MATN2: variants seen among roughly 807,000 people sequenced by gnomAD.
MATN2 encodes matrilin-2.
A neutral mutation model predicts 103.2 loss-of-function variants in MATN2; 69 were observed. The observed-to-expected ratio is 0.67, with a 90% CI of 0.55 to 0.82. The LOEUF (loss-of-function observed/expected upper bound fraction) is 0.82, where lower values mean the gene tolerates loss of function less well. MATN2 is among the 40% of genes least tolerant of loss of function. The pLI, the probability that MATN2 is intolerant of heterozygous loss-of-function variation, is 0.00. For synonymous variants in MATN2, 429 were observed against 450.2 expected (o/e 0.95, Z 0.60); for missense variants, 1,023 against 1,211.5 (o/e 0.84, Z 2.31).
rs67575420 is a variant in MATN2, at chr8:97,982,354, GTT to G, written c.1081+3349_1081+3350del. On this transcript the variant is annotated intron_variant, in intron 6 of 18. Coordinates refer to ENST00000254898, the MANE Select transcript of MATN2 (RefSeq NM_002380.5). The surrounding 1 kb of genome is among the most constrained non-coding windows in gnomAD (Gnocchi z 4.3). ...AGCTCAGAACCGAAGCAGCCACCCT[GTT>G]TTAGTGAGTACCAAGGCCTCCCACC... 0.18 allele frequency among the ~76,000 whole-genome samples: 27,243 copies of G among 152,086 alleles called. 4,829 individuals are homozygous for G. The highest frequency in any genetic ancestry group is 0.46 in the African/African-American group (19,094 of 41,394).
At chr8:98,004,868 T>A (rs779705161) in intron 8 of MATN2, among the ~76,000 whole-genome samples, 5 of 152,192 alleles carry the variant, frequency 3.3e-5, no homozygotes, top group African/African-American at 7.2e-5. Flanking sequence ...CATGGTTTTT[T>A]ATGAGGCACC....
chr8:97,906,997 C>CTTTTTT (rs61459656), intron 2 of MATN2, among the ~76,000 whole-genome samples: 2 of 116,144 alleles, frequency 1.7e-5, no homozygotes, highest in African/African-American at 7.0e-5. Flanking sequence ...CCATAGCTGA[C>CTTTTTT]TTTTTTTTTT....
At chr8:98,027,303 C>A (rs1813841688) in intron 13 of MATN2, 113 bp from the exon 14 acceptor site, 3 of 886,738 alleles carry the variant, frequency 3.4e-6, no homozygotes, top group Non-Finnish European at 5.2e-6. Flanking sequence ...ATCTAAAGAA[C>A]AAAACTGGTT....
At chr8:97,910,551 A>G (rs1809379261) in intron 2 of MATN2, among the ~76,000 whole-genome samples, 1 of 152,236 alleles carries the variant, frequency 6.6e-6, no homozygotes, top group Non-Finnish European at 1.5e-5. Flanking sequence ...TTTCTTGAAC[A>G]GTACCAGGTT....
Position 97,982,729 on chromosome 8 carries a change from C to T in MATN2, c.1081+3721C>T, listed in dbSNP as rs1812068489. On this transcript the variant is annotated intron_variant, in intron 6 of 18. Transcript: ENST00000254898. This position sits in a 1 kb window ranked among gnomAD's most constrained non-coding sequence, Gnocchi z 4.3. ...TATCAATTTCTTACCCTAGAGCAGCCCATCCAAATCTAGACGGGAGAAAGG... is the reference window on the plus strand; with the variant it reads ...TATCAATTTCTTACCCTAGAGCAGCTCATCCAAATCTAGACGGGAGAAAGG... Among the ~76,000 whole-genome samples, 1 of 152,120 alleles carries T rather than the reference C, an allele frequency of 6.6e-6. No homozygotes were observed. The highest frequency in any genetic ancestry group is 2.1e-4 in the South Asian group (1 of 4,824).
At chr8:97,970,803 C>A (rs1197196276) in intron 5 of MATN2, among the ~76,000 whole-genome samples, 2 of 151,992 alleles carry the variant, frequency 1.3e-5, no homozygotes, top group East Asian at 3.9e-4. Context: ...AAAAAAAAAT[C>A]AGCTGGGTGT....
chr8:98,007,314 G>C lies in MATN2; in HGVS notation c.1450+87G>C. The stretch of plus-strand genomic sequence containing the variant: ...CTGCAGAGGGCACAGGTTGTACTTG[G>C]GCACCCCTCCCCTGCCCCTTGCTCT... On this transcript the variant is annotated intron_variant, in intron 9 of 18. Coordinates refer to ENST00000254898, the MANE Select transcript of MATN2 (RefSeq NM_002380.5). This position sits in a 1 kb window ranked among gnomAD's most constrained non-coding sequence, Gnocchi z 4.2. 1 of 1,587,000 alleles carries C rather than the reference G, an allele frequency of 6.3e-7. No individual in the cohort carries two copies. Among genetic ancestry groups the C allele is most frequent in the Non-Finnish European group, 8.6e-7 (1 of 1,160,714 alleles).
intron 6 of MATN2, among the ~76,000 whole-genome samples, chr8:97,988,291 G>T (rs1812274887): frequency 6.8e-6 from 1 of 147,932 alleles, no homozygotes; most frequent in Admixed American, 6.8e-5. Context: ...AGATGAAATG[G>T]ACAAATTCCT....
intron 1 of MATN2, among the ~76,000 whole-genome samples, chr8:97,876,896 A>T (rs900665070): frequency 6.6e-6 from 1 of 152,014 alleles, no homozygotes; most frequent in African/African-American, 2.4e-5. Context: ...TGTAATTAAT[A>T]TGCCGTAATT....
In MATN2 at chr8:98,027,690, A is replaced by G; in HGVS notation, c.2217A>G (p.Lys739=). 1.2e-6 allele frequency: 2 copies of G among 1,613,984 alleles called. No individual in the cohort carries two copies. Among genetic ancestry groups the G allele is most frequent in the Non-Finnish European group, 1.7e-6 (2 of 1,179,872 alleles). Residue 739 remains lysine, a synonymous_variant, in exon 14 of 19, where the codon AAA becomes AAG. Transcript: ENST00000254898. ...GCTCTATGACTGGGCTGGCCCTGAA[A>G]CACATGTTTGAGAGAAGTTTTACCC... ...GKGSMTGLAL[K]HMFERSFTQG... is the part of the protein sequence containing the mutation.
intron 2 of MATN2, among the ~76,000 whole-genome samples, chr8:97,889,459 C>CTATATATATATATATA (rs56115197): frequency 0.024 from 2,941 of 122,560 alleles, 125 homozygotes; most frequent in Non-Finnish European, 0.033. Context: ...CTCTCTCTGT[C>CTATATATATATATATA]TATATATATA....
chr8:97,955,620 C>T (rs1184865920), intron 4 of MATN2, among the ~76,000 whole-genome samples: 1 of 152,198 alleles, frequency 6.6e-6, no homozygotes, highest in Non-Finnish European at 1.5e-5. Context: ...GTCAAGTCAA[C>T]AATAGATGGC....
At chr8:97,970,487 T>A (rs1811621374) in intron 5 of MATN2, among the ~76,000 whole-genome samples, 1 of 152,214 alleles carries the variant, frequency 6.6e-6, no homozygotes. Flanking sequence ...TGAAAAGCAC[T>A]TCTTTTGTTA....
intron 1 of MATN2, among the ~76,000 whole-genome samples, chr8:97,871,824 AGT>A (rs1220840471): frequency 9.9e-5 from 15 of 152,176 alleles, no homozygotes; most frequent in Non-Finnish European, 2.2e-4. Context: ...GGCTGTTGCC[AGT>A]AATTGGTGTT....
At chr8:97,888,308 G>C in intron 2 of MATN2, 66 bp downstream of exon 2, 1 of 1,390,452 alleles carries the variant, frequency 7.2e-7, no homozygotes, top group Non-Finnish European at 9.3e-7. Flanking sequence ...CTCAGGGACA[G>C]GGATTGGTGA....
At chr8:97,998,519 C>CA (rs58751449) in intron 7 of MATN2, among the ~76,000 whole-genome samples, 2,428 of 111,022 alleles carry the variant, frequency 0.022, 39 homozygotes, top group East Asian at 0.049. Context: ...GACTCTGTCT[C>CA]AAAAAAAAAA....
At chr8:98,013,654 A>G (rs1043586479) in intron 10 of MATN2, among the ~76,000 whole-genome samples, 4 of 152,220 alleles carry the variant, frequency 2.6e-5, no homozygotes, top group Non-Finnish European at 5.9e-5. Context: ...ACTGTCTTAC[A>G]TTGTTGGTGA....
At chr8:98,025,646 T>C (rs565794789) in intron 13 of MATN2, 23 of 330,734 alleles carry the variant, frequency 7.0e-5, no homozygotes, top group Non-Finnish European at 1.3e-4. Flanking sequence ...CTTGGGAGGC[T>C]GAGGCAGGAG....
intron 6 of MATN2, among the ~76,000 whole-genome samples, chr8:97,984,843 GC>G (rs1455759558): frequency 1.3e-5 from 2 of 152,180 alleles, no homozygotes; most frequent in African/African-American, 4.8e-5. Context: ...TCCTTATGGA[GC>G]CTACATTCTA....
Sources: gnomAD v4.1 joint callset for allele counts (sites outside exome capture counted in the v4.1 genomes callset) on GRCh38, gnomAD v4.1.1 for gene constraint, Gnocchi (gnomAD v3.1) non-coding constraint, MANE v1.5 for transcripts, NCBI Gene and HGNC (gene_info 2026-07-23, HGNC 2026-07-21) for gene names.